Variants in BTBD9 observed in about 807,000 individuals in gnomAD.
BTBD9 encodes the protein BTB domain containing 9, also known as BTB/POZ domain-containing protein 9.
In BTBD9, 49 loss-of-function variants were observed where a neutral mutation model predicts 64.3. The observed-to-expected ratio is 0.76, with a 90% CI of 0.61 to 0.97. The LOEUF (loss-of-function observed/expected upper bound fraction) is 0.97, where lower values mean the gene tolerates loss of function less well. Among genes scored for constraint, BTBD9 ranks in the 50% least tolerant of loss-of-function variants. The probability of loss-of-function intolerance (pLI) is 0.00; values close to 1 mark genes in which losing one functional copy is unlikely to be tolerated. For synonymous variants in BTBD9, 260 were observed against 274.7 expected (o/e 0.95, Z 0.53); for missense variants, 598 against 762.1 (o/e 0.78, Z 2.53).
chr6:38,469,549 T>C (rs1770545890), intron 6 of BTBD9, among the ~76,000 whole-genome samples: 1 of 152,122 alleles, frequency 6.6e-6, no homozygotes, highest in Admixed American at 6.5e-5. Context: ...CTCGATCTCC[T>C]GACCTCATGA....
chr6:38,474,565 AGAG>A (rs1241726064), intron 6 of BTBD9, among the ~76,000 whole-genome samples: 1 of 144,910 alleles, frequency 6.9e-6, no homozygotes, highest in African/African-American at 2.6e-5. Flanking sequence ...AGAGAAGAGA[AGAG>A]AAAAGAAAAA....
chr6:38,621,983 C>T (rs1360079276), intron 1 of BTBD9, among the ~76,000 whole-genome samples: 1 of 152,168 alleles, frequency 6.6e-6, no homozygotes, highest in African/African-American at 2.4e-5. Context: ...GTTTTCTCCC[C>T]CTGGGGTGGT....
rs114438752 is a variant in BTBD9, at chr6:38,370,199, G to A, written c.1155-25106C>T. Among the ~76,000 whole-genome samples, 929 of 152,268 alleles carry A rather than the reference G, an allele frequency of 6.1e-3. 12 individuals carry two copies. The highest frequency in any genetic ancestry group is 0.018 in the African/African-American group (768 of 41,550). On this transcript the variant is annotated intron_variant, in intron 6 of 10. Transcript: ENST00000481247. Reference sequence around the variant, plus strand: ...GAAGTGATATCCAGTATGGAATCCCGATCACCTTCTTTTGTTTCATAGCCA... The same window carrying A: ...GAAGTGATATCCAGTATGGAATCCCAATCACCTTCTTTTGTTTCATAGCCA...
At chr6:38,186,619 A>G (rs1411681611) in intron 10 of BTBD9, among the ~76,000 whole-genome samples, 2 of 152,196 alleles carry the variant, frequency 1.3e-5, no homozygotes, top group Non-Finnish European at 2.9e-5. Flanking sequence ...CAGGTCCTCT[A>G]TGCTTACACA....
chr6:38,499,077 C>A (rs7743785), intron 6 of BTBD9, among the ~76,000 whole-genome samples: 150,804 of 152,196 alleles, frequency 0.99, 74,720 homozygotes, highest in East Asian at 1. Flanking sequence ...TATTTTCGTC[C>A]GCTTTCTTAT....
chr6:38,587,840 CT>C, intron 4 of BTBD9: 3 of 718,428 alleles, frequency 4.2e-6, no homozygotes, highest in African/African-American at 1.7e-5. Context: ...GCTTTTGACC[CT>C]TTTAAAAAAC....
chr6:38,449,685 G>T lies in BTBD9; in HGVS notation c.1155-104592C>A, dbSNP rs981721263. Among the ~76,000 whole-genome samples the T allele has an allele frequency of 3.9e-5, 6 of 152,060 alleles. No homozygotes were observed. The East Asian group carries it at 1.2e-3, about 29-fold the overall frequency. ...TTTGGGAGGCCAAGGTAGGAGGATT[G>T]CTTGGGCCCAGGAGTTCGAGACCAG... On this transcript the variant is annotated intron_variant, in intron 6 of 10. Transcript: ENST00000481247.
intron 10 of BTBD9, among the ~76,000 whole-genome samples, chr6:38,180,047 G>A (rs1279458277): frequency 3.3e-5 from 5 of 152,216 alleles, no homozygotes; most frequent in African/African-American, 1.2e-4. Flanking sequence ...GATGATTTAA[G>A]CCTAGCAGCC....
chr6:38,553,067 T>C (rs1200592908), intron 6 of BTBD9, among the ~76,000 whole-genome samples: 1 of 152,254 alleles, frequency 6.6e-6, no homozygotes, highest in Non-Finnish European at 1.5e-5. Flanking sequence ...TACTTATACC[T>C]AACACAATGT....
chr6:38,392,725 C>T (rs979143795), intron 6 of BTBD9, among the ~76,000 whole-genome samples: 14 of 152,076 alleles, frequency 9.2e-5, no homozygotes, highest in Non-Finnish European at 1.6e-4. Flanking sequence ...AGACCGTGCC[C>T]TTTTAATGAA....
intron 6 of BTBD9, among the ~76,000 whole-genome samples, chr6:38,367,503 T>G (rs1765227244): frequency 6.6e-6 from 1 of 152,118 alleles, no homozygotes; most frequent in East Asian, 1.9e-4. Context: ...CTTTGAACTC[T>G]GTGAAATGAC....
chr6:38,436,524 C>A (rs975032431), intron 6 of BTBD9, among the ~76,000 whole-genome samples: 2 of 151,592 alleles, frequency 1.3e-5, no homozygotes, highest in Non-Finnish European at 1.5e-5. Flanking sequence ...TATAGGCGTG[C>A]GAAACCACGC....
rs1209133115 is a variant in BTBD9, at chr6:38,430,524, AT to A, written c.1155-85432del. 9.5e-5 allele frequency among the ~76,000 whole-genome samples: 13 copies of A among 136,366 alleles called. 1 individual carries two copies. The highest frequency in any genetic ancestry group is 1.4e-4 in the Non-Finnish European group (9 of 63,722). 89.5% of individuals were successfully genotyped at this position (136,366 alleles called of 152,430 possible). On this transcript the variant is annotated intron_variant, in intron 6 of 10. Transcript: ENST00000481247. Reference sequence around the variant, plus strand: ...GACCCACCGCAGCTGAAAAAAAAAAATTTTTTTTTGAGACAGGGTCTTGCTC... The same window carrying A: ...GACCCACCGCAGCTGAAAAAAAAAAATTTTTTTTGAGACAGGGTCTTGCTC...
intron 7 of BTBD9, among the ~76,000 whole-genome samples, chr6:38,305,145 A>G (rs1167507674): frequency 3.3e-5 from 5 of 152,230 alleles, no homozygotes; most frequent in African/African-American, 4.8e-5. Flanking sequence ...ACGGAAAGCT[A>G]GGAAAATCTA....
At chr6:38,238,026 T>C (rs1041498969) in intron 9 of BTBD9, among the ~76,000 whole-genome samples, 28 of 152,270 alleles carry the variant, frequency 1.8e-4, no homozygotes, top group African/African-American at 6.7e-4. Flanking sequence ...GTGCCTATAG[T>C]CCCAGCTACC....
intron 10 of BTBD9, among the ~76,000 whole-genome samples, chr6:38,187,365 A>C (rs2127480529): frequency 6.6e-6 from 1 of 152,288 alleles, no homozygotes; most frequent in Non-Finnish European, 1.5e-5. Flanking sequence ...CCTTAAAGTG[A>C]CTGAGGAAAT....
chr6:38,246,511 AT>A (rs1330152884), intron 9 of BTBD9, among the ~76,000 whole-genome samples: 1 of 151,442 alleles, frequency 6.6e-6, no homozygotes, highest in African/African-American at 2.4e-5. Context: ...TTCATTTTTC[AT>A]TTTTTGAAAC....
At chr6:38,393,955 C>G (rs867236291) in intron 6 of BTBD9, among the ~76,000 whole-genome samples, 1 of 152,072 alleles carries the variant, frequency 6.6e-6, no homozygotes, top group Non-Finnish European at 1.5e-5. Flanking sequence ...GATACAAAAA[C>G]GAAAAGATGA....
intron 6 of BTBD9, among the ~76,000 whole-genome samples, chr6:38,427,388 C>A (rs1427274220): frequency 1.3e-5 from 2 of 151,890 alleles, no homozygotes; most frequent in Non-Finnish European, 2.9e-5. Context: ...TCATTAGGTT[C>A]TCTGTGAGGT....
Sources: allele counts gnomAD v4.1 joint callset (sites outside exome capture counted in the v4.1 genomes callset), GRCh38; gene constraint gnomAD v4.1.1; transcripts MANE v1.5; gene names NCBI Gene and HGNC (gene_info 2026-07-23, HGNC 2026-07-21).